The following ROBO1 variants were observed in gnomAD, a reference collection of about 807,000 sequenced individuals.
ROBO1 encodes the protein roundabout guidance receptor 1.
ROBO1 carries 149 observed loss-of-function variants against 195.9 expected under a neutral mutation model. The observed-to-expected ratio is 0.76, with a 90% confidence interval of 0.67 to 0.87. The LOEUF (loss-of-function observed/expected upper bound fraction) is 0.87, where lower values mean the gene tolerates loss of function less well. Among genes scored for constraint, ROBO1 ranks in the 40% least tolerant of loss-of-function variants. The pLI is 0.00. For synonymous variants in ROBO1, 816 were observed against 733.2 expected (o/e 1.11, Z -1.82); for missense variants, 1,933 against 2,068.3 (o/e 0.93, Z 1.27).
At chr3:79,485,503 T>C (rs2107413021) in intron 2 of ROBO1, among the ~76,000 whole-genome samples, 1 of 152,308 alleles carries the variant, frequency 6.6e-6, no homozygotes, top group East Asian at 1.9e-4. Context: ...TGGCCTTTCC[T>C]AATACAAAAT....
At chr3:79,759,570 C>T (rs192416238) in intron 1 of ROBO1, among the ~76,000 whole-genome samples, 82 of 152,256 alleles carry the variant, frequency 5.4e-4, no homozygotes, top group Admixed American at 2.9e-3. Flanking sequence ...AAGTAAATGA[C>T]GCTATGCATA....
chr3:79,038,651 A>G (rs1020643330), intron 3 of ROBO1, among the ~76,000 whole-genome samples: 4 of 152,040 alleles, frequency 2.6e-5, no homozygotes, highest in African/African-American at 9.6e-5. Flanking sequence ...AATTCCTACA[A>G]TGATTTTAAA....
At chr3:79,577,717 AACACACACACACACACACAC>A (rs58998352) in intron 2 of ROBO1, among the ~76,000 whole-genome samples, 213 of 140,718 alleles carry the variant, frequency 1.5e-3, no homozygotes, top group African/African-American at 4.8e-3. Context: ...CTTTACTAAA[AACACACACACACACACACAC>A]ACACACACAC....
intron 2 of ROBO1, among the ~76,000 whole-genome samples, chr3:79,192,630 G>C (rs11920038): frequency 0.14 from 21,291 of 151,528 alleles, 2,455 homozygotes; most frequent in African/African-American, 0.32. Flanking sequence ...TCTAAAAGCC[G>C]TATGGATAAG....
At chr3:78,772,719 C>T (rs372629177) in intron 4 of ROBO1, among the ~76,000 whole-genome samples, 1 of 152,138 alleles carries the variant, frequency 6.6e-6, no homozygotes, top group South Asian at 2.1e-4. Context: ...ACTTCTCAGG[C>T]CTCTACTCAG....
At chr3:78,927,591 C>G (rs1213438816) in intron 4 of ROBO1, among the ~76,000 whole-genome samples, 1 of 152,040 alleles carries the variant, frequency 6.6e-6, no homozygotes, top group East Asian at 1.9e-4. Flanking sequence ...GAAGTATTTT[C>G]CAAATTATTT....
In ROBO1 at chr3:79,723,224, T is replaced by C. The variant is rs371128084; in HGVS notation, c.-51+44528A>G. Among the ~76,000 whole-genome samples, 48 of 152,306 alleles carry C rather than the reference T, an allele frequency of 3.2e-4. No individual in the cohort carries two copies. In the East Asian group the frequency reaches 8.1e-3, roughly 26 times the overall value. ...TATGGGAATGCCCTTACTTATGACC[T>C]GAAGGCATCCTTCTTTCCCTTGGGA... On this transcript the variant is annotated intron_variant, in intron 1 of 30. Transcript: ENST00000464233.
rs547677484 is a variant in ROBO1, at chr3:79,478,559, C to T, written c.88+111265G>A. On this transcript the variant is annotated intron_variant, in intron 2 of 30. Transcript: ENST00000464233. ...TTCCAATCCCATATGCTGTTCAATTCCCAGAAAGCCTGAGCTGCTTGGGGG... is the reference window on the plus strand; with the variant it reads ...TTCCAATCCCATATGCTGTTCAATTTCCAGAAAGCCTGAGCTGCTTGGGGG... Among the ~76,000 whole-genome samples, 7 of 152,262 alleles carry T rather than the reference C, an allele frequency of 4.6e-5. No homozygotes were observed. In the East Asian group the frequency reaches 1.4e-3, roughly 29 times the overall value.
intron 1 of ROBO1, among the ~76,000 whole-genome samples, chr3:79,662,372 T>C (rs1474415463): frequency 3.9e-5 from 6 of 152,132 alleles, no homozygotes; most frequent in Non-Finnish European, 8.8e-5. Flanking sequence ...AAAAACCTGC[T>C]AATTAAGGTT....
intron 4 of ROBO1, among the ~76,000 whole-genome samples, chr3:78,880,446 G>GT (rs2036114065): frequency 6.6e-6 from 1 of 151,892 alleles, no homozygotes; most frequent in Non-Finnish European, 1.5e-5. Flanking sequence ...ACTGAATAGG[G>GT]TAACTTTTTG....
At chr3:79,595,325 A>G (rs1944131344) in intron 1 of ROBO1, among the ~76,000 whole-genome samples, 1 of 152,018 alleles carries the variant, frequency 6.6e-6, no homozygotes, top group Non-Finnish European at 1.5e-5. Context: ...ATTTAGGTTA[A>G]TGCATATTTC....
chr3:78,676,943 C>G (rs1708472280), intron 10 of ROBO1, among the ~76,000 whole-genome samples: 1 of 152,134 alleles, frequency 6.6e-6, no homozygotes, highest in Non-Finnish European at 1.5e-5. Flanking sequence ...AGGTTACCCA[C>G]AAAGGGAAGA....
intron 2 of ROBO1, among the ~76,000 whole-genome samples, chr3:79,239,985 T>A (rs974601517): frequency 6.6e-6 from 1 of 152,172 alleles, no homozygotes; most frequent in African/African-American, 2.4e-5. Context: ...GTATATATTG[T>A]GGGGTGACCG....
At chr3:79,477,097 T>A (rs1179166903) in intron 2 of ROBO1, among the ~76,000 whole-genome samples, 2 of 151,994 alleles carry the variant, frequency 1.3e-5, no homozygotes, top group Non-Finnish European at 2.9e-5. Flanking sequence ...TAAAAAAAAA[T>A]CCGTGATTTT....
At chr3:79,018,727 C>T in intron 3 of ROBO1, 1 of 1,246,820 alleles carries the variant, frequency 8.0e-7, no homozygotes. Context: ...CAAGAACCAT[C>T]CAAAGCGAAC....
At chr3:78,896,380 A>G (rs991228955) in intron 4 of ROBO1, among the ~76,000 whole-genome samples, 1 of 152,092 alleles carries the variant, frequency 6.6e-6, no homozygotes, top group African/African-American at 2.4e-5. Flanking sequence ...AATAGCCTTA[A>G]CTGATGACAT....
intron 3 of ROBO1, among the ~76,000 whole-genome samples, chr3:79,088,752 TA>T (rs1192754013): frequency 6.6e-6 from 1 of 152,120 alleles, no homozygotes; most frequent in African/African-American, 2.4e-5. Context: ...AACCAAATGT[TA>T]ACAAAAGCTA....
chr3:79,606,626 G>A (rs932543513), intron 1 of ROBO1, among the ~76,000 whole-genome samples: 1 of 151,816 alleles, frequency 6.6e-6, no homozygotes, highest in African/African-American at 2.4e-5. Flanking sequence ...TGTCCACTGT[G>A]TCAATCCTAT....
chr3:79,341,677 TG>T (rs771433115), intron 2 of ROBO1, among the ~76,000 whole-genome samples: 12 of 152,112 alleles, frequency 7.9e-5, no homozygotes, highest in Non-Finnish European at 1.3e-4. Flanking sequence ...TGTCTCATTA[TG>T]GTATTTACTC....
Sources: gnomAD v4.1 joint callset for allele counts (sites outside exome capture counted in the v4.1 genomes callset) on GRCh38, gnomAD v4.1.1 for gene constraint, MANE v1.5 for transcripts, NCBI Gene and HGNC (gene_info 2026-07-23, HGNC 2026-07-21) for gene names.